CDH1: variants seen among roughly 807,000 people sequenced by gnomAD.
CDH1 encodes the protein cadherin-1.
In CDH1, 35 loss-of-function variants were observed where a neutral mutation model predicts 84.5. That is an observed-to-expected ratio of 0.41 (90% CI 0.32 to 0.55). The LOEUF is 0.55. Among genes scored for constraint, CDH1 ranks in the 20% least tolerant of loss-of-function variants. The pLI is 0.19. For synonymous variants in CDH1, 417 were observed against 439.0 expected (o/e 0.95, Z 0.63); for missense variants, 994 against 1,126.6 (o/e 0.88, Z 1.68).
At chr16:68,796,493 G>A (rs1183052310) in intron 2 of CDH1, among the ~76,000 whole-genome samples, 2 of 152,186 alleles carry the variant, frequency 1.3e-5, no homozygotes, top group Non-Finnish European at 2.9e-5. Flanking sequence ...AAACGGGATC[G>A]TCAAAGTGGG....
At chr16:68,778,387 G>A (rs983503493) in intron 2 of CDH1, among the ~76,000 whole-genome samples, 1 of 152,160 alleles carries the variant, frequency 6.6e-6, no homozygotes, top group Non-Finnish European at 1.5e-5. Flanking sequence ...TTGTGTTAAT[G>A]ATATCTCAAT....
intron 15 of CDH1, 103 bp downstream of exon 15, chr16:68,829,900 T>C: frequency 8.1e-7 from 1 of 1,228,102 alleles, no homozygotes. Context: ...TCCTTTACTA[T>C]GTTTTCAGCT....
intron 2 of CDH1, among the ~76,000 whole-genome samples, chr16:68,791,240 C>T (rs1960201435): frequency 6.6e-6 from 1 of 152,184 alleles, no homozygotes; most frequent in Non-Finnish European, 1.5e-5. Flanking sequence ...TGCTCTCTCC[C>T]TTACTTCAGC....
intron 2 of CDH1, among the ~76,000 whole-genome samples, chr16:68,766,349 C>A (rs1597860433): frequency 6.6e-6 from 1 of 152,156 alleles, no homozygotes; most frequent in African/African-American, 2.4e-5. Flanking sequence ...CATGGCAGGG[C>A]AAAGATTCAC....
intron 2 of CDH1, 29 bp downstream of exon 2, chr16:68,738,440 C>T (rs1407805279): frequency 1.4e-6 from 2 of 1,478,316 alleles, no homozygotes; most frequent in Non-Finnish European, 9.2e-7. Context: ...TGTCCCTGGG[C>T]GGAGTAGGGA....
chr16:68,764,492 G>A (rs556710044), intron 2 of CDH1, among the ~76,000 whole-genome samples: 28 of 152,288 alleles, frequency 1.8e-4, no homozygotes, highest in South Asian at 1.7e-3. Context: ...CAGGAGAATC[G>A]CTTGAACTGG....
At position 68,835,086 on chromosome 16, in the gene CDH1, CA is replaced by C. The variant is rs1961601453; in HGVS notation, c.*1589del. The C allele has an allele frequency of 4.3e-6, 1 of 231,752 alleles. No homozygotes were observed. Among genetic ancestry groups the C allele is most frequent in the Non-Finnish European group, 8.5e-6 (1 of 117,196 alleles). 14.4% of individuals were successfully genotyped at this position (231,752 alleles called of 1,614,324 possible). ...GCTGGCTGAGCTGAACACATTTGCC[CA>C]ATTCCAGGTGTGCACAGAAAACCGA... On this transcript the variant is annotated 3_prime_UTR_variant, in exon 16 of 16. Transcript: ENST00000261769.
chr16:68,817,337 G>C (rs1218589135), intron 10 of CDH1, among the ~76,000 whole-genome samples: 1 of 152,188 alleles, frequency 6.6e-6, no homozygotes, highest in Non-Finnish European at 1.5e-5. Flanking sequence ...AGGAACTACT[G>C]TATTGTTTGG....
intron 3 of CDH1, among the ~76,000 whole-genome samples, chr16:68,804,178 A>C (rs1217822261): frequency 8.2e-6 from 1 of 121,816 alleles, no homozygotes; most frequent in Non-Finnish European, 1.6e-5. Context: ...CAGTGGCGCG[A>C]TCTCAGCTCA....
chr16:68,738,734 G>A (rs1396710223), intron 2 of CDH1, among the ~76,000 whole-genome samples: 3 of 151,920 alleles, frequency 2.0e-5, no homozygotes, highest in Admixed American at 1.3e-4. Flanking sequence ...CTGGTGGGTG[G>A]GAAGGCCTGG....
rs569928380 is a variant in CDH1 at position 68,833,408 on chromosome 16, C to T, written c.2558C>T (p.Ser853Leu). The change falls in exon 16 of 16, where the codon TCA becomes TTA. Residue 853 changes from serine to leucine, a missense_variant. Physicochemically the swap from Ser to Leu is moderately radical, Grantham distance 145 (BLOSUM62 -2). This residue lies in a region of CDH1 where 769 missense variants were observed against 881.8 expected (regional missense o/e 0.87). Coordinates refer to ENST00000261769, the MANE Select transcript of CDH1 (RefSeq NM_004360.5). ...ASLSSLNSSE[S>L]DKDQDYDYLN... is the part of the protein sequence containing the mutation. ...CTGAGCTCCCTGAACTCCTCAGAGTCAGACAAAGACCAGGACTATGACTAC... is the reference window on the plus strand; with the variant it reads ...CTGAGCTCCCTGAACTCCTCAGAGTTAGACAAAGACCAGGACTATGACTAC... 8.1e-6 allele frequency: 13 copies of T among 1,614,152 alleles called. No individual in the cohort carries two copies. In the Admixed American group the frequency reaches 8.3e-5, roughly 10 times the overall value.
intron 13 of CDH1, among the ~76,000 whole-genome samples, chr16:68,824,120 C>T (rs1362499496): frequency 1.8e-4 from 27 of 151,488 alleles, no homozygotes; most frequent in Non-Finnish European, 3.4e-4. Context: ...GCCTCAGCCT[C>T]CTGAGTAGCT....
At chr16:68,829,947 T>C (rs901717663) in intron 15 of CDH1, 150 bp downstream of exon 15, 8 of 717,780 alleles carry the variant, frequency 1.1e-5, no homozygotes, top group African/African-American at 3.4e-5. Context: ...CTTTTTCTTT[T>C]TTTTTCTTTT....
At chr16:68,810,116 C>T (rs748002263) in intron 5 of CDH1, 81 bp from the exon 6 acceptor site, 19 of 1,470,840 alleles carry the variant, frequency 1.3e-5, no homozygotes, top group East Asian at 9.1e-5. Context: ...GCCAGGGGGG[C>T]GCACTCTGCT....
intron 11 of CDH1, among the ~76,000 whole-genome samples, chr16:68,820,327 T>C (rs1204468688): frequency 1.3e-5 from 2 of 152,026 alleles, no homozygotes; most frequent in African/African-American, 4.8e-5. Context: ...GCTTAATACT[T>C]GTGTGACCTT....
In CDH1 at chr16:68,797,459, G is replaced by C. The variant is rs570775282; in HGVS notation, c.164-4211G>C. Among the ~76,000 whole-genome samples the C allele has an allele frequency of 1.7e-4, 26 of 152,344 alleles. No individual in the cohort carries two copies. In the South Asian group the frequency reaches 3.1e-3, roughly 18 times the overall value. ...GCACTTTGGGAGGCCAAAGCGGGAA[G>C]ATGGCTTGAGCCCAGGAGTTTGTGA... On this transcript the variant is annotated intron_variant, in intron 2 of 15. Coordinates refer to ENST00000261769, the MANE Select transcript of CDH1 (RefSeq NM_004360.5).
At chr16:68,751,855 G>A (rs928227184) in intron 2 of CDH1, among the ~76,000 whole-genome samples, 2 of 151,960 alleles carry the variant, frequency 1.3e-5, no homozygotes, top group African/African-American at 4.8e-5. Flanking sequence ...AGGCTGGAGT[G>A]CAGTGGTTTG....
intron 11 of CDH1, among the ~76,000 whole-genome samples, chr16:68,821,464 T>C (rs981678091): frequency 1.5e-5 from 2 of 133,488 alleles, no homozygotes; most frequent in African/African-American, 6.3e-5. Flanking sequence ...AGTGAGACTC[T>C]GCCTCAAAAA....
At chr16:68,790,982 A>G (rs1468849017) in intron 2 of CDH1, among the ~76,000 whole-genome samples, 1 of 152,152 alleles carries the variant, frequency 6.6e-6, no homozygotes, top group Non-Finnish European at 1.5e-5. Context: ...CAAGAAGGGT[A>G]TGGGGTATGG....
Sources: gnomAD v4.1 joint callset for allele counts (sites outside exome capture counted in the v4.1 genomes callset) on GRCh38, gnomAD v4.1.1 for gene constraint, gnomAD v4.1.1 regional missense constraint, MANE v1.5 for transcripts, NCBI Gene and HGNC (gene_info 2026-07-23, HGNC 2026-07-21) for gene names.